Variants in WWOX observed in about 807,000 individuals in gnomAD.
The protein encoded by WWOX is WW domain-containing oxidoreductase.
Under a neutral mutation model 46.2 loss-of-function variants are expected in WWOX, and 69 were observed. The ratio of observed to expected loss-of-function variants is 1.49; its 90% CI spans 1.23 to 1.82. WWOX has a LOEUF of 1.82. Ranked by LOEUF, WWOX falls within the 40% of genes most tolerant of loss-of-function variation. WWOX has a pLI of 0.00. For missense variants in WWOX, 919 were observed against 542.6 expected (o/e 1.69, Z -6.89); for synonymous variants, 359 against 202.6 (o/e 1.77, Z -6.56).
intron 8 of WWOX, among the ~76,000 whole-genome samples, chr16:79,035,214 C>T (rs972429104): frequency 6.6e-6 from 1 of 152,190 alleles, no homozygotes; most frequent in Admixed American, 6.5e-5. Context: ...TAGTGGCCCA[C>T]AATAAGACGT....
intron 8 of WWOX, among the ~76,000 whole-genome samples, chr16:78,578,280 ATATATTTTT>A (rs2044950528): frequency 2.8e-5 from 1 of 35,438 alleles, no homozygotes; most frequent in Non-Finnish European, 5.0e-5. Context: ...ATATATATAT[ATATATTTTT>A]TTTTTTTTTT....
chr16:78,994,395 A>G (rs2046947221), intron 8 of WWOX: 1 of 152,264 alleles, frequency 6.6e-6, no homozygotes. Context: ...CACTTTTGAT[A>G]CAAAGGTTAT....
chr16:78,858,030 A>G (rs1424384311), intron 8 of WWOX, among the ~76,000 whole-genome samples: 2 of 152,224 alleles, frequency 1.3e-5, no homozygotes, highest in African/African-American at 4.8e-5. Flanking sequence ...CTAAATTGAT[A>G]TTAATAAAGA....
chr16:78,729,029 C>T (rs970047984), intron 8 of WWOX, among the ~76,000 whole-genome samples: 1 of 152,046 alleles, frequency 6.6e-6, no homozygotes, highest in Admixed American at 6.6e-5. Context: ...TAAAGATATC[C>T]CGCCCCACCA....
chr16:78,540,880 C>T (rs544868149), intron 8 of WWOX, among the ~76,000 whole-genome samples: 26 of 152,110 alleles, frequency 1.7e-4, no homozygotes, highest in African/African-American at 5.8e-4. Context: ...GAGGTAGAGC[C>T]TCACTTTGCT....
At chr16:78,795,165 A>C (rs970882533) in intron 8 of WWOX, among the ~76,000 whole-genome samples, 1 of 152,096 alleles carries the variant, frequency 6.6e-6, no homozygotes, top group African/African-American at 2.4e-5. Context: ...ACATTTATAG[A>C]GTGTTCAAAA....
chr16:78,770,425 G>A (rs1470348663), intron 8 of WWOX, among the ~76,000 whole-genome samples: 1 of 152,164 alleles, frequency 6.6e-6, no homozygotes, highest in South Asian at 2.1e-4. Context: ...TGGGGGATGG[G>A]GCAGTACACC....
rs183615326 is a variant in WWOX at position 78,785,412 on chromosome 16, C to T, written c.1056+352660C>T. ...CCCAAGGTGGTCTCACTCTGCAACA[C>T]ACATCGGCAGCCAGTGGTGTGCTGG... On this transcript the variant is annotated intron_variant, in intron 8 of 8. Transcript: ENST00000566780. Among the ~76,000 whole-genome samples, 275 of 152,328 alleles carry T rather than the reference C, an allele frequency of 1.8e-3. 1 individual carries two copies. The highest frequency in any genetic ancestry group is 6.2e-3 in the African/African-American group (259 of 41,574).
At chr16:78,974,388 G>C (rs2046531318) in intron 8 of WWOX, among the ~76,000 whole-genome samples, 1 of 152,164 alleles carries the variant, frequency 6.6e-6, no homozygotes, top group Non-Finnish European at 1.5e-5. Flanking sequence ...TTCTTCCCTA[G>C]TACCTGCCTT....
Position 78,796,872 on chromosome 16 carries a change from C to T in WWOX, c.1056+364120C>T, listed in dbSNP as rs541107318. On this transcript the variant is annotated intron_variant, in intron 8 of 8. Transcript: ENST00000566780. ...CCATAGTCTCACTCTGTCACCTAGG[C>T]TGGAGTGCAGTGGTGCGATCTCGGC... 3.4e-5 allele frequency among the ~76,000 whole-genome samples: 5 copies of T among 149,142 alleles called. No individual in the cohort carries two copies. The East Asian group carries it at 1.0e-3, about 30-fold the overall frequency.
intron 5 of WWOX, among the ~76,000 whole-genome samples, chr16:78,321,289 T>C (rs1567498950): frequency 8.0e-6 from 1 of 124,328 alleles, no homozygotes; most frequent in African/African-American, 3.4e-5. Context: ...TATATATATA[T>C]ACGTATATAT....
intron 8 of WWOX, among the ~76,000 whole-genome samples, chr16:78,840,544 C>G: frequency 6.6e-6 from 1 of 152,136 alleles, no homozygotes; most frequent in East Asian, 1.9e-4. Flanking sequence ...TTGTTTATGT[C>G]AGCATTAAGC....
chr16:79,022,624 C>G (rs2047556743), intron 8 of WWOX, among the ~76,000 whole-genome samples: 1 of 152,166 alleles, frequency 6.6e-6, no homozygotes, highest in African/African-American at 2.4e-5. Context: ...GTTTTAATTA[C>G]AAGTGTTCCT....
chr16:78,784,633 TAGAAG>T (rs774332687), intron 8 of WWOX, among the ~76,000 whole-genome samples: 1 of 152,156 alleles, frequency 6.6e-6, no homozygotes, highest in Admixed American at 6.5e-5. Context: ...ATAAAGCACT[TAGAAG>T]AGAGTTTGGC....
intron 4 of WWOX, among the ~76,000 whole-genome samples, chr16:78,153,702 T>C (rs1188482367): frequency 6.6e-6 from 1 of 152,178 alleles, no homozygotes; most frequent in Non-Finnish European, 1.5e-5. Context: ...AATTATAAAT[T>C]AATAATAACC....
intron 6 of WWOX, among the ~76,000 whole-genome samples, chr16:78,408,855 T>G (rs911180011): frequency 1.3e-5 from 2 of 152,146 alleles, no homozygotes; most frequent in Non-Finnish European, 2.9e-5. Context: ...GTGAGCCCCA[T>G]CTCAGTGGAC....
At chr16:78,495,763 C>T (rs542817594) in intron 8 of WWOX, among the ~76,000 whole-genome samples, 2 of 152,232 alleles carry the variant, frequency 1.3e-5, no homozygotes, top group East Asian at 1.9e-4. Context: ...CTGCCTCCAC[C>T]TCCCAAAGTG....
chr16:78,779,055 C>G (rs2050261636), intron 8 of WWOX, among the ~76,000 whole-genome samples: 1 of 152,106 alleles, frequency 6.6e-6, no homozygotes, highest in African/African-American at 2.4e-5. Context: ...AATGTTATAG[C>G]CGGAAGGGAT....
At chr16:78,672,276 C>T (rs1443051506) in intron 8 of WWOX, among the ~76,000 whole-genome samples, 1 of 152,214 alleles carries the variant, frequency 6.6e-6, no homozygotes. Context: ...ACTGTCCCAA[C>T]CACATGCAAA....
Sources: gnomAD v4.1 joint callset for allele counts (sites outside exome capture counted in the v4.1 genomes callset) on GRCh38, gnomAD v4.1.1 for gene constraint, MANE v1.5 for transcripts, NCBI Gene and HGNC (gene_info 2026-07-23, HGNC 2026-07-21) for gene names.